HK1: variants seen among roughly 807,000 people sequenced by gnomAD.
The protein encoded by HK1 is hexokinase 1.
A neutral mutation model predicts 91.6 loss-of-function variants in HK1; 28 were observed. The ratio of observed to expected loss-of-function variants is 0.31; its 90% CI spans 0.23 to 0.42. The LOEUF (loss-of-function observed/expected upper bound fraction) is 0.42, where lower values mean the gene tolerates loss of function less well. Ranked by LOEUF, HK1 falls within the 10% of genes least tolerant of loss-of-function variation. HK1 has a pLI of 1.00. For synonymous variants in HK1, 430 were observed against 468.1 expected (o/e 0.92, Z 1.05); for missense variants, 770 against 1,219.8 (o/e 0.63, Z 5.49).
At chr10:69,338,401 A>G in intron 1 of HK1, 1 of 1,222,490 alleles carries the variant, frequency 8.2e-7, no homozygotes. Flanking sequence ...CAGACTGACC[A>G]GAGTCCCACA....
chr10:69,323,561 G>A (rs967653386), intron 1 of HK1, among the ~76,000 whole-genome samples: 3 of 150,150 alleles, frequency 2.0e-5, no homozygotes, highest in African/African-American at 7.3e-5. Flanking sequence ...ATTATGAGAA[G>A]TGTCTCATAA....
chr10:69,323,973 G>A (rs1847186034), intron 1 of HK1, among the ~76,000 whole-genome samples: 2 of 152,160 alleles, frequency 1.3e-5, no homozygotes, highest in South Asian at 4.1e-4. Context: ...ATAAAGACAG[G>A]GAGCTGTATA....
intron 1 of HK1, among the ~76,000 whole-genome samples, chr10:69,326,389 T>C (rs998374930): frequency 4.6e-5 from 7 of 152,150 alleles, no homozygotes; most frequent in East Asian, 1.9e-4. Context: ...TCCTGCTGCC[T>C]GCCTTGTGTG....
chr10:69,319,280 T>A, intron 1 of HK1: 1 of 567,746 alleles, frequency 1.8e-6, no homozygotes, highest in African/African-American at 1.9e-5. Flanking sequence ...GGGCCCTGGA[T>A]GTCAGATAGG....
At chr10:69,373,454 T>A (rs930625722) in intron 7 of HK1, among the ~76,000 whole-genome samples, 2 of 152,200 alleles carry the variant, frequency 1.3e-5, no homozygotes, top group African/African-American at 2.4e-5. Flanking sequence ...CTAAAAGGGA[T>A]CAGTCTTTTG....
At chr10:69,381,128 C>CA (rs143289610) in intron 9 of HK1, among the ~76,000 whole-genome samples, 2,746 of 152,064 alleles carry the variant, frequency 0.018, 94 homozygotes, top group African/African-American at 0.063. Flanking sequence ...TGTGGCTCTA[C>CA]AAAAAATCAT....
chr10:69,286,557 T>C (rs1166056784), intron 2 of HK1, among the ~76,000 whole-genome samples: 1 of 152,124 alleles, frequency 6.6e-6, no homozygotes, highest in Non-Finnish European at 1.5e-5. Context: ...TTTACTTTTT[T>C]TTTTTTTTGA....
rs559533190 is a variant in HK1, at chr10:69,285,000, G to A, written c.-215+2296G>A. 4.1e-4 allele frequency among the ~76,000 whole-genome samples: 62 copies of A among 151,874 alleles called. 1 individual carries two copies. The Middle Eastern group carries it at 0.024, about 58-fold the overall frequency. ...CCCGGCTAATTTTTTTGTATTTTTAGTAGAGACAGGGTTTCACCATGTTGG... is the reference window on the plus strand; with the variant it reads ...CCCGGCTAATTTTTTTGTATTTTTAATAGAGACAGGGTTTCACCATGTTGG... On this transcript the variant is annotated intron_variant, in intron 2 of 21. Transcript: ENST00000360289.
At chr10:69,291,266 C>T (rs566620671) in intron 3 of HK1, among the ~76,000 whole-genome samples, 117 of 152,340 alleles carry the variant, frequency 7.7e-4, no homozygotes, top group Non-Finnish European at 1.3e-3. Context: ...GTCAATCTGA[C>T]GACAGGCCCT....
At chr10:69,313,593 G>T (rs755392647), upstream of HK1, among the ~76,000 whole-genome samples, 5 of 152,164 alleles carry the variant, frequency 3.3e-5, no homozygotes, top group Non-Finnish European at 7.3e-5. Flanking sequence ...CTCCCAAGTA[G>T]CTGGGATTAC....
At chr10:69,316,967 A>G (rs1328166461), upstream of HK1, among the ~76,000 whole-genome samples, 2 of 152,200 alleles carry the variant, frequency 1.3e-5, no homozygotes, top group Non-Finnish European at 2.9e-5. Flanking sequence ...GTAGTTCCAA[A>G]TGTTTGATGT....
chr10:69,280,671 G>C (rs1368822692), intron 1 of HK1, among the ~76,000 whole-genome samples: 3 of 152,162 alleles, frequency 2.0e-5, no homozygotes, highest in Non-Finnish European at 4.4e-5. Flanking sequence ...GAGTAAGAAG[G>C]CTGTCTTTGA....
At chr10:69,389,448 C>T (rs1044511723) in intron 14 of HK1, 152 bp downstream of exon 14, 19 of 433,358 alleles carry the variant, frequency 4.4e-5, no homozygotes, top group East Asian at 1.2e-4. Context: ...CAGGGCTGGA[C>T]GAAGGCAGCA....
intron 5 of HK1, among the ~76,000 whole-genome samples, chr10:69,309,945 GA>G (rs1282326279): frequency 1.3e-5 from 2 of 151,876 alleles, no homozygotes; most frequent in East Asian, 3.9e-4. Context: ...AGCTACTTGG[GA>G]GGCTGAGGCA....
chr10:69,388,839 G>A (rs1839766881), intron 13 of HK1, among the ~76,000 whole-genome samples: 1 of 152,206 alleles, frequency 6.6e-6, no homozygotes, highest in Non-Finnish European at 1.5e-5. Context: ...TCTGAGCAGT[G>A]AGTTTAATAT....
intron 1 of HK1, among the ~76,000 whole-genome samples, chr10:69,332,583 T>C (rs1459914536): frequency 6.6e-6 from 1 of 151,832 alleles, no homozygotes; most frequent in Non-Finnish European, 1.5e-5. Context: ...GGTTTTGCCA[T>C]GTTGGCCAGG....
intron 4 of HK1, among the ~76,000 whole-genome samples, chr10:69,366,597 A>C (rs1222146871): frequency 6.6e-6 from 1 of 152,004 alleles, no homozygotes; most frequent in Non-Finnish European, 1.5e-5. Context: ...CAACATGTCT[A>C]AATGCCTCCG....
chr10:69,379,761 A>G (rs1216456815), intron 8 of HK1, 101 bp from the exon 9 acceptor site: 2 of 859,988 alleles, frequency 2.3e-6, no homozygotes. Context: ...CATCCCACAC[A>G]TGGTAAGTGG....
chr10:69,369,433 C>G lies in HK1; in HGVS notation c.692-8C>G. ...TGTGGTCATAGCTTCTGATCTTGTC[C>G]TGCCCAGGCACTGGCACCAATGCTT... On this transcript the variant is annotated splice_polypyrimidine_tract_variant and splice_region_variant and intron_variant, in intron 6 of 17. Coordinates refer to ENST00000359426, the MANE Select transcript of HK1 (RefSeq NM_000188.3). The surrounding 1 kb of genome is among the most constrained non-coding windows in gnomAD (Gnocchi z 4.4). 6.2e-7 allele frequency: 1 copy of G among 1,614,218 alleles called. No individual in the cohort carries two copies. The highest frequency in any genetic ancestry group is 8.5e-7 in the Non-Finnish European group (1 of 1,180,026).
Sources: allele counts gnomAD v4.1 joint callset (sites outside exome capture counted in the v4.1 genomes callset), GRCh38; gene constraint gnomAD v4.1.1; non-coding constraint Gnocchi (gnomAD v3.1); transcripts MANE v1.5; gene names NCBI Gene and HGNC (gene_info 2026-07-23, HGNC 2026-07-21).